Variants in RYR2 observed in about 807,000 individuals in gnomAD.
The protein encoded by RYR2 is cardiac muscle ryanodine receptor-calcium release channel.
Under a neutral mutation model 601.1 loss-of-function variants are expected in RYR2, and 227 were observed. The observed-to-expected ratio is 0.38, with a 90% CI of 0.34 to 0.42. The LOEUF is 0.42. Among genes scored for constraint, RYR2 ranks in the 10% least tolerant of loss-of-function variants. The pLI is 1.00. For missense variants in RYR2, 4,646 were observed against 6,156.5 expected (o/e 0.75, Z 8.21); for synonymous variants, 2,223 against 2,175.1 (o/e 1.02, Z -0.61).
At chr1:237,153,956 C>G (rs537126500) in intron 1 of RYR2, among the ~76,000 whole-genome samples, 55 of 152,136 alleles carry the variant, frequency 3.6e-4, no homozygotes, top group African/African-American at 1.2e-3. Flanking sequence ...AATTTTCATT[C>G]TAAAGGACAG....
chr1:237,108,052 A>C (rs1254697361), intron 1 of RYR2, among the ~76,000 whole-genome samples: 1 of 152,194 alleles, frequency 6.6e-6, no homozygotes, highest in African/African-American at 2.4e-5. Flanking sequence ...GTGGTGCTGG[A>C]AACCTCTGTG....
At chr1:237,177,584 G>A (rs1437665799) in intron 1 of RYR2, among the ~76,000 whole-genome samples, 2 of 152,070 alleles carry the variant, frequency 1.3e-5, no homozygotes, top group African/African-American at 2.4e-5. Flanking sequence ...TTTTCACTTA[G>A]CATTACATTT....
intron 60 of RYR2, 122 bp from the exon 61 acceptor site, chr1:237,677,926 C>A (rs2148925454): frequency 1.5e-6 from 1 of 648,846 alleles, no homozygotes; most frequent in African/African-American, 1.8e-5. Context: ...TTTTGGTTGG[C>A]TTTTTACATT....
At chr1:237,436,038 C>A (rs1330644461) in intron 12 of RYR2, among the ~76,000 whole-genome samples, 1 of 152,092 alleles carries the variant, frequency 6.6e-6, no homozygotes, top group African/African-American at 2.4e-5. Context: ...GGTAGAGTCC[C>A]ATGGAAACTA....
intron 19 of RYR2, among the ~76,000 whole-genome samples, chr1:237,494,558 A>G (rs925855858): frequency 5.3e-5 from 8 of 152,092 alleles, no homozygotes; most frequent in African/African-American, 1.9e-4. Context: ...TCACAGACAC[A>G]CCCAGGAACA....
chr1:237,153,882 A>G (rs1675014027), intron 1 of RYR2, among the ~76,000 whole-genome samples: 1 of 152,154 alleles, frequency 6.6e-6, no homozygotes, highest in East Asian at 1.9e-4. Flanking sequence ...TTTGTTTTTT[A>G]TTCTGAAAAG....
intron 2 of RYR2, among the ~76,000 whole-genome samples, chr1:237,283,370 T>A (rs1310644583): frequency 6.6e-6 from 1 of 152,158 alleles, no homozygotes; most frequent in Admixed American, 6.6e-5. Context: ...CAAAATTAAT[T>A]CCTCCTTTGA....
At chr1:237,651,290 G>A in intron 50 of RYR2, 121 bp from the exon 51 acceptor site, 1 of 704,856 alleles carries the variant, frequency 1.4e-6, no homozygotes. Context: ...AACATCTAAT[G>A]AATACCATCT....
chr1:237,572,706 G>A (rs1234768641), intron 29 of RYR2, among the ~76,000 whole-genome samples: 1 of 152,114 alleles, frequency 6.6e-6, no homozygotes, highest in East Asian at 1.9e-4. Flanking sequence ...CTTCAAGGCA[G>A]GTTATAAGCT....
chr1:237,742,455 TTGTGTC>T, intron 80 of RYR2, 106 bp downstream of exon 80: 1 of 866,626 alleles, frequency 1.2e-6, no homozygotes, highest in Non-Finnish European at 1.9e-6. Flanking sequence ...TTGCAGCTTA[TTGTGTC>T]AAGGAACTGC....
intron 1 of RYR2, among the ~76,000 whole-genome samples, chr1:237,116,657 G>A (rs553818970): frequency 1.3e-5 from 2 of 152,238 alleles, no homozygotes; most frequent in African/African-American, 2.4e-5. Context: ...GGAGACCCAG[G>A]AAGGCTGGTG....
intron 1 of RYR2, among the ~76,000 whole-genome samples, chr1:237,158,653 A>C (rs1230496958): frequency 2.0e-5 from 3 of 152,184 alleles, no homozygotes; most frequent in African/African-American, 7.2e-5. Context: ...TGTCTAAAAT[A>C]TTCTATTTGA....
At chr1:237,273,890 G>T (rs1043766924) in intron 2 of RYR2, among the ~76,000 whole-genome samples, 1 of 145,868 alleles carries the variant, frequency 6.9e-6, no homozygotes, top group Non-Finnish European at 1.5e-5. Flanking sequence ...TATTATAAAT[G>T]ATATAATAAA....
intron 12 of RYR2, among the ~76,000 whole-genome samples, chr1:237,423,659 C>T (rs540881523): frequency 6.6e-6 from 1 of 152,232 alleles, no homozygotes; most frequent in Admixed American, 6.5e-5. Flanking sequence ...TAAGCATTGA[C>T]AGTATACAGT....
chr1:237,263,747 T>C (rs186569058), intron 1 of RYR2, among the ~76,000 whole-genome samples: 4 of 152,306 alleles, frequency 2.6e-5, no homozygotes, highest in Admixed American at 2.6e-4. Context: ...TATGTATCTA[T>C]TTAATAGATA....
chr1:237,465,980 C>T (rs962074853), intron 16 of RYR2, among the ~76,000 whole-genome samples: 9 of 151,878 alleles, frequency 5.9e-5, no homozygotes, highest in African/African-American at 1.7e-4. Flanking sequence ...TGAATATGTG[C>T]GAAAAAGCTT....
intron 102 of RYR2, 138 bp from the exon 103 acceptor site, chr1:237,830,392 G>C: frequency 1.6e-6 from 1 of 614,192 alleles, no homozygotes; most frequent in Non-Finnish European, 3.0e-6. Context: ...ATATTCGTGG[G>C]CTTGGCACAG....
intron 10 of RYR2, among the ~76,000 whole-genome samples, chr1:237,403,089 A>C (rs12138118): frequency 6.6e-6 from 1 of 152,210 alleles, no homozygotes; most frequent in Non-Finnish European, 1.5e-5. Context: ...GGAGACAAAG[A>C]GAACTCACAG....
intron 3 of RYR2, among the ~76,000 whole-genome samples, chr1:237,350,611 A>G (rs1424367267): frequency 9.6e-6 from 1 of 103,692 alleles, no homozygotes; most frequent in Admixed American, 1.0e-4. Flanking sequence ...AAATATATAT[A>G]TATATATATA....
Sources: gnomAD v4.1 joint callset for allele counts (sites outside exome capture counted in the v4.1 genomes callset) on GRCh38, gnomAD v4.1.1 for gene constraint, MANE v1.5 for transcripts, NCBI Gene and HGNC (gene_info 2026-07-23, HGNC 2026-07-21) for gene names.